PTPRC: variants seen among roughly 807,000 people sequenced by gnomAD.
PTPRC encodes receptor-type tyrosine-protein phosphatase C.
In PTPRC, 44 loss-of-function variants were observed where a neutral mutation model predicts 155.9. The ratio of observed to expected loss-of-function variants is 0.28; its 90% CI spans 0.22 to 0.36. The LOEUF (loss-of-function observed/expected upper bound fraction) is 0.36, where lower values mean the gene tolerates loss of function less well. PTPRC is among the 10% of genes least tolerant of loss of function. The probability of loss-of-function intolerance (pLI) is 1.00; values close to 1 mark genes in which losing one functional copy is unlikely to be tolerated. For missense variants in PTPRC, 1,401 were observed against 1,564.6 expected, an observed-to-expected ratio of 0.90 and a Z score of 1.76; for synonymous variants, 525 against 533.1, an observed-to-expected ratio of 0.98 and a Z score of 0.21.
chr1:198,696,905 C>G lies in PTPRC; in HGVS notation c.294C>G (p.Thr98=), dbSNP rs775610293. The G allele has an allele frequency of 5.0e-6, 8 of 1,611,566 alleles. No homozygotes were observed. In the African/African-American group the frequency reaches 1.1e-4, roughly 22 times the overall value. ...TGGATAATGCTAGTGCTTTTAATAC[C>G]ACAGGTTGGCACACAAAAGTTGTTA... is the stretch of plus-strand genomic sequence containing the variant. ...DSLDNASAFN[T]TGVSSVQTPH... The change falls in exon 4 of 33, where the codon ACC becomes ACG. Residue 98 remains threonine, a synonymous_variant. Transcript: ENST00000442510.
At chr1:198,709,077 G>C (rs1009847437) in intron 10 of PTPRC, among the ~76,000 whole-genome samples, 2 of 152,196 alleles carry the variant, frequency 1.3e-5, no homozygotes, top group Non-Finnish European at 2.9e-5. Context: ...GTTCTCTCTA[G>C]ACAATCTATT....
At chr1:198,642,981 T>C (rs1031529445) in intron 2 of PTPRC, among the ~76,000 whole-genome samples, 2 of 150,972 alleles carry the variant, frequency 1.3e-5, no homozygotes, top group African/African-American at 4.9e-5. Flanking sequence ...TTTTCTTTCT[T>C]TTTCTTCTAT....
At chr1:198,710,310 A>C (rs554133025) in intron 11 of PTPRC, among the ~76,000 whole-genome samples, 1 of 152,294 alleles carries the variant, frequency 6.6e-6, no homozygotes, top group South Asian at 2.1e-4. Flanking sequence ...TTTATATGTC[A>C]TACTTACACT....
At chr1:198,742,655 T>C (rs888538283) in intron 25 of PTPRC, among the ~76,000 whole-genome samples, 12 of 151,834 alleles carry the variant, frequency 7.9e-5, no homozygotes, top group Non-Finnish European at 1.6e-4. Context: ...ATGCTGAAAA[T>C]AGATTTGGCA....
Position 198,703,531 on chromosome 1 carries a change from G to A in PTPRC, c.658+159G>A, listed in dbSNP as rs1666566731. 5.5e-6 allele frequency: 6 copies of A among 1,092,718 alleles called. No individual in the cohort carries two copies. In the East Asian group the frequency reaches 1.3e-4, roughly 23 times the overall value. The allele number at this position is 1,092,718 out of a possible 1,614,324, so 67.7% of individuals were successfully genotyped here. A position where few individuals can be genotyped will look rare whatever the true frequency, so the allele number is the denominator to read the frequency against. ...TGGAACAGCAGGAAGATATTTCTCT[G>A]CTTAGCAGTGCAACAGCTGATGAGA... is the stretch of plus-strand genomic sequence containing the variant. On this transcript the variant is annotated intron_variant, in intron 7 of 32. Coordinates refer to ENST00000442510, the MANE Select transcript of PTPRC (RefSeq NM_002838.5).
rs1450379351 is a variant in PTPRC at position 198,752,580 on chromosome 1, A to T, written c.3331-14A>T. On this transcript the variant is annotated splice_polypyrimidine_tract_variant and intron_variant, in intron 30 of 32. Transcript: ENST00000442510. ...CTTCACTCCAGTTAATGCTCTCTTCAATTCTGATTTTAGAGGAAAGACTCT... is the reference window on the plus strand; with the variant it reads ...CTTCACTCCAGTTAATGCTCTCTTCTATTCTGATTTTAGAGGAAAGACTCT... 1 of 1,609,774 alleles carries T rather than the reference A, an allele frequency of 6.2e-7. No homozygotes were observed. The highest frequency in any genetic ancestry group is 8.5e-7 in the Non-Finnish European group (1 of 1,176,944).
At chr1:198,683,511 T>C (rs541390313) in intron 2 of PTPRC, among the ~76,000 whole-genome samples, 1 of 152,094 alleles carries the variant, frequency 6.6e-6, no homozygotes, top group Non-Finnish European at 1.5e-5. Flanking sequence ...AAAAAGATAA[T>C]TAATATGGGA....
chr1:198,680,490 A>T (rs1232405796), intron 2 of PTPRC, among the ~76,000 whole-genome samples: 1 of 152,078 alleles, frequency 6.6e-6, no homozygotes, highest in Non-Finnish European at 1.5e-5. Flanking sequence ...TCTCCTTTTA[A>T]CTGAAGAGGA....
intron 2 of PTPRC, among the ~76,000 whole-genome samples, chr1:198,673,837 G>GT (rs1664787992): frequency 6.6e-6 from 1 of 152,078 alleles, no homozygotes; most frequent in Non-Finnish European, 1.5e-5. Flanking sequence ...AACTTTGCTT[G>GT]TATGTTGTAG....
At chr1:198,668,767 A>C (rs1053108040) in intron 2 of PTPRC, among the ~76,000 whole-genome samples, 1 of 152,192 alleles carries the variant, frequency 6.6e-6, no homozygotes, top group Admixed American at 6.5e-5. Flanking sequence ...GCATGGCTGA[A>C]TGTTTAGCCT....
intron 32 of PTPRC, 71 bp downstream of exon 32, chr1:198,754,475 CT>C (rs1168333606): frequency 2.0e-6 from 3 of 1,530,728 alleles, no homozygotes; most frequent in African/African-American, 2.8e-5. Context: ...TTCCTTTTTT[CT>C]TTTCTCCTCT....
chr1:198,689,642 T>C (rs1254824675), intron 2 of PTPRC, among the ~76,000 whole-genome samples: 2 of 152,188 alleles, frequency 1.3e-5, no homozygotes, highest in Non-Finnish European at 2.9e-5. Context: ...TGCTTGCTCC[T>C]TGGCTCTTCT....
chr1:198,681,987 C>T (rs1665361667), intron 2 of PTPRC, among the ~76,000 whole-genome samples: 1 of 152,136 alleles, frequency 6.6e-6, no homozygotes, highest in Admixed American at 6.5e-5. Flanking sequence ...TTTGGTAGCG[C>T]CTGTGTGCTT....
intron 8 of PTPRC, among the ~76,000 whole-genome samples, chr1:198,705,749 T>C (rs1652924296): frequency 6.6e-6 from 1 of 152,146 alleles, no homozygotes; most frequent in South Asian, 2.1e-4. Context: ...CACATACTGT[T>C]CCTTCCTGCC....
chr1:198,666,500 T>C (rs1362677463), intron 2 of PTPRC, among the ~76,000 whole-genome samples: 1 of 152,150 alleles, frequency 6.6e-6, no homozygotes, highest in Non-Finnish European at 1.5e-5. Context: ...GCTAACCATG[T>C]TAGATGCTAT....
intron 15 of PTPRC, among the ~76,000 whole-genome samples, chr1:198,724,676 T>TTCTCTCTC (rs59471727): frequency 6.7e-6 from 1 of 148,562 alleles, no homozygotes; most frequent in Non-Finnish European, 1.5e-5. Context: ...TCCATCCTGA[T>TTCTCTCTC]TCTCTCTCTC....
Position 198,722,415 on chromosome 1 carries a change from G to T in PTPRC, c.1660-1G>T. 1.4e-6 allele frequency: 2 copies of T among 1,432,580 alleles called. No homozygotes were observed. The highest frequency in any genetic ancestry group is 2.1e-5 in the Admixed American group (1 of 48,072). 88.7% of individuals were successfully genotyped at this position (1,432,580 alleles called of 1,614,324 possible). A position where few individuals can be genotyped will look rare whatever the true frequency, so the allele number is the denominator to read the frequency against. On this transcript the variant is annotated splice_acceptor_variant, in intron 14 of 32. Coordinates refer to ENST00000442510, the MANE Select transcript of PTPRC (RefSeq NM_002838.5). LOFTEE classifies it high-confidence loss of function. The stretch of plus-strand genomic sequence containing the variant: ...TTTTATTTTTTGTTACTGAAATTCA[G>T]GCCTATTTTCACAATGGAGACTATC...
chr1:198,756,170 C>G lies in PTPRC; in HGVS notation c.3910C>G (p.Gln1304Glu), dbSNP rs530292306. 2 of 1,613,102 alleles carry G rather than the reference C, an allele frequency of 1.2e-6. No individual in the cohort carries two copies. Among genetic ancestry groups the G allele is most frequent in the African/African-American group, 2.7e-5 (2 of 74,958 alleles). Residue 1304 changes from glutamine (Q) to glutamate (E), a missense_variant, in exon 33 of 33, where the codon CAA becomes GAA. Gln to Glu is a conservative substitution (Grantham distance 29). Transcript: ENST00000442510. ...VNGPASPALNQGS is the reference protein window; with the variant it reads ...VNGPASPALNEGS ...TGGTCCTGCAAGTCCAGCTTTAAAT[C>G]AAGGTTCATAGGAAAAGACATAAAT...
At chr1:198,683,416 G>T (rs1179715567) in intron 2 of PTPRC, among the ~76,000 whole-genome samples, 1 of 152,048 alleles carries the variant, frequency 6.6e-6, no homozygotes, top group African/African-American at 2.4e-5. Flanking sequence ...TAATTAAATG[G>T]TTTTTGCTAT....
Sources: gnomAD v4.1 joint callset for allele counts (sites outside exome capture counted in the v4.1 genomes callset) on GRCh38, gnomAD v4.1.1 for gene constraint, MANE v1.5 for transcripts, NCBI Gene and HGNC (gene_info 2026-07-23, HGNC 2026-07-21) for gene names.